The following TRABD variants were observed in gnomAD, a reference collection of about 807,000 sequenced individuals.
The protein encoded by TRABD is TraB domain containing, also known as traB domain-containing protein.
TRABD carries 23 observed loss-of-function variants against 39.6 expected under a neutral mutation model. The observed-to-expected ratio is 0.58, with a 90% confidence interval of 0.42 to 0.82. The LOEUF is 0.82. TRABD is among the 40% of genes least tolerant of loss of function. The pLI is 0.00. For synonymous variants in TRABD, 243 were observed against 232.1 expected (o/e 1.05, Z -0.43); for missense variants, 487 against 544.9 (o/e 0.89, Z 1.06).
At chr22:50,186,110 G>A (rs2063747864) in intron 1 of TRABD, 134 bp downstream of exon 1, 1 of 132,240 alleles carries the variant, frequency 7.6e-6, no homozygotes, top group South Asian at 2.6e-4. Context: ...GTGGGGGCCG[G>A]GGGCGGGGGG....
At chr22:50,196,929 A>G (rs1483392537) in intron 5 of TRABD, 1 of 314,400 alleles carries the variant, frequency 3.2e-6, no homozygotes, top group Non-Finnish European at 6.0e-6. Flanking sequence ...AGAACTCCTG[A>G]CCTCGTGATC....
chr22:50,197,792 CCTGCGGGG>C, intron 7 of TRABD, 23 bp from the exon 8 acceptor site: 2 of 1,571,948 alleles, frequency 1.3e-6, no homozygotes, highest in Non-Finnish European at 1.7e-6. Context: ...GTTGCCCATC[CCTGCGGGG>C]CTGCAGCCAT....
At chr22:50,188,861 C>T (rs959826995) in intron 1 of TRABD, among the ~76,000 whole-genome samples, 2 of 152,208 alleles carry the variant, frequency 1.3e-5, no homozygotes, top group African/African-American at 2.4e-5. Context: ...CTGTAGATGC[C>T]GCTCTGATTT....
chr22:50,189,829 C>T (rs916668601), intron 1 of TRABD, among the ~76,000 whole-genome samples: 3 of 151,902 alleles, frequency 2.0e-5, no homozygotes, highest in Admixed American at 2.0e-4. Context: ...CCAGGTGATG[C>T]TCTGCTGGGA....
intron 5 of TRABD, among the ~76,000 whole-genome samples, chr22:50,196,011 AGCCTGGG>A (rs2064089963): frequency 6.6e-6 from 1 of 152,076 alleles, no homozygotes. Flanking sequence ...TCCCCACCAG[AGCCTGGG>A]GCCCAGTGAT....
At chr22:50,190,608 TC>T (rs1293658967) in intron 1 of TRABD, 1 of 152,332 alleles carries the variant, frequency 6.6e-6, no homozygotes, top group Non-Finnish European at 1.5e-5. Flanking sequence ...CCGGTGTGCC[TC>T]GGCAGCCTTG....
At chr22:50,195,182 C>A in intron 5 of TRABD, 142 bp downstream of exon 5, 1 of 1,134,986 alleles carries the variant, frequency 8.8e-7, no homozygotes, top group African/African-American at 1.6e-5. Context: ...GGGTTAGGGA[C>A]CTCCCCTGGG....
At chr22:50,188,540 G>A (rs932480069) in intron 1 of TRABD, among the ~76,000 whole-genome samples, 1 of 152,156 alleles carries the variant, frequency 6.6e-6, no homozygotes, top group South Asian at 2.1e-4. Context: ...GGGCCCCCGC[G>A]GCGTCCTTAC....
chr22:50,186,659 GC>G (rs901430056), intron 1 of TRABD, among the ~76,000 whole-genome samples: 9 of 152,324 alleles, frequency 5.9e-5, no homozygotes, highest in East Asian at 3.9e-4. Flanking sequence ...CGAGCGGGAG[GC>G]CCCGGACCCC....
chr22:50,186,748 C>T (rs1034196615), intron 1 of TRABD, among the ~76,000 whole-genome samples: 1 of 152,240 alleles, frequency 6.6e-6, no homozygotes, highest in African/African-American at 2.4e-5. Flanking sequence ...TGGAGCAGAG[C>T]GGGGTTCCCA....
At position 50,193,066 on chromosome 22, in the gene TRABD, C is replaced by A. The variant is rs771972852; in HGVS notation, c.6C>A (p.Asp2Glu). Residue 2 changes from aspartate (D) to glutamate (E), a missense_variant, in exon 2 of 10, where the codon GAC becomes GAA. Transcript: ENST00000380909. Reference sequence around the variant, plus strand: ...CAGGAAGCCGCCGCCCAGCCATGGACGGGGAGGAGCAGCAGCCACCGCACG... The same window carrying A: ...CAGGAAGCCGCCGCCCAGCCATGGAAGGGGAGGAGCAGCAGCCACCGCACG... M[D>E]GEEQQPPHEA... 1.9e-6 allele frequency: 3 copies of A among 1,545,748 alleles called. No individual in the cohort carries two copies. In the African/African-American group the frequency reaches 4.1e-5, roughly 21 times the overall value.
chr22:50,197,764 G>GGCCCCC, intron 7 of TRABD, 59 bp from the exon 8 acceptor site: 6 of 1,284,790 alleles, frequency 4.7e-6, no homozygotes, highest in Non-Finnish European at 6.7e-6. Flanking sequence ...CACAGTGCCA[G>GGCCCCC]CCCCACCCCC....
Position 50,197,879 on chromosome 22 carries a change from A to G in TRABD, c.728A>G (p.Glu243Gly). The G allele has an allele frequency of 6.2e-7, 1 of 1,610,378 alleles. No individual in the cohort carries two copies. ...QKDLLEQMMAEMIGEFPDLHR... is the reference protein window; with the variant it reads ...QKDLLEQMMAGMIGEFPDLHR... Reference sequence around the variant, plus strand: ...GACCTACTGGAGCAGATGATGGCCGAGATGATTGGCGAGTTCCCAGACCTG... The same window carrying G: ...GACCTACTGGAGCAGATGATGGCCGGGATGATTGGCGAGTTCCCAGACCTG... Residue 243 changes from glutamate to glycine, a missense_variant, in exon 8 of 10, where the codon GAG (glutamate) becomes GGG (glycine). By Grantham distance (98) the Glu-to-Gly change is moderately conservative (BLOSUM62 -2). This residue lies in a region of TRABD where 358 missense variants were observed against 414.7 expected (regional missense o/e 0.86). Transcript: ENST00000380909.
At chr22:50,195,249 G>T (rs1208586669) in intron 5 of TRABD, among the ~76,000 whole-genome samples, 1 of 152,154 alleles carries the variant, frequency 6.6e-6, no homozygotes, top group Admixed American at 6.5e-5. Flanking sequence ...GGAGGAAATG[G>T]GTGGCTCTCC....
In TRABD at chr22:50,198,130, C is replaced by T. The variant is rs764053781; in HGVS notation, c.900C>T (p.His300=). 46 of 1,612,666 alleles carry T rather than the reference C, an allele frequency of 2.9e-5. No individual in the cohort carries two copies. The highest frequency in any genetic ancestry group is 1.3e-4 in the African/African-American group (10 of 74,884). ...TCGTGGGCGTCGTGGGCATGGGCCA[C>T]GTGCCTGGCATCGAGAAGAACTGGA... The part of the protein sequence containing the change: ...SVVVGVVGMG[H]VPGIEKNWST... Residue 300 remains histidine, a synonymous_variant, in exon 9 of 10, where the codon CAC becomes CAT. Transcript: ENST00000380909. The surrounding 1 kb of genome is among the most constrained non-coding windows in gnomAD (Gnocchi z 7.9).
intron 1 of TRABD, among the ~76,000 whole-genome samples, chr22:50,190,287 G>C (rs1052753921): frequency 6.6e-6 from 1 of 152,362 alleles, no homozygotes; most frequent in African/African-American, 2.4e-5. Flanking sequence ...CTCAAGGCTT[G>C]GCAGCCGGCC....
At chr22:50,189,131 CT>C (rs1224364935) in intron 1 of TRABD, among the ~76,000 whole-genome samples, 1 of 152,250 alleles carries the variant, frequency 6.6e-6, no homozygotes, top group Non-Finnish European at 1.5e-5. Context: ...CGTTCTCTGC[CT>C]TCGGGACAGA....
Position 50,198,476 on chromosome 22 carries a change from C to T in TRABD, c.1088C>T (p.Ala363Val), listed in dbSNP as rs780447638. ...TASLVLSLPA[A>V]QYCLQRVTEA... ...AGCCTGGTCCTGTCGCTGCCCGCCG[C>T]GCAGTACTGCCTGCAGAGGGTGACC... Residue 363 changes from alanine (A) to valine (V), a missense_variant, in exon 10 of 10, where the codon GCG becomes GTG. Ala to Val is a moderately conservative substitution (Grantham distance 64, BLOSUM62 0). This residue lies in a region of TRABD where 123 missense variants were observed against 108.3 expected (regional missense o/e 1.14). Transcript: ENST00000380909. This position sits in a 1 kb window ranked among gnomAD's most constrained non-coding sequence, Gnocchi z 7.9. 19 of 1,593,496 alleles carry T rather than the reference C, an allele frequency of 1.2e-5. No homozygotes were observed. Among genetic ancestry groups the T allele is most frequent in the East Asian group, 2.2e-5 (1 of 44,576 alleles).
chr22:50,191,045 G>A (rs1044470661), intron 1 of TRABD, among the ~76,000 whole-genome samples: 1 of 152,190 alleles, frequency 6.6e-6, no homozygotes, highest in African/African-American at 2.4e-5. Context: ...CTTGCCCTCT[G>A]CAGAGGCTCA....
Sources: allele counts gnomAD v4.1 joint callset (sites outside exome capture counted in the v4.1 genomes callset), GRCh38; gene constraint gnomAD v4.1.1; regional missense constraint gnomAD v4.1.1; non-coding constraint Gnocchi (gnomAD v3.1); transcripts MANE v1.5; gene names NCBI Gene and HGNC (gene_info 2026-07-23, HGNC 2026-07-21).